TAFA2: variants seen among roughly 807,000 people sequenced by gnomAD.
TAFA2 encodes the protein chemokine-like protein TAFA-2.
TAFA2 carries 7 observed loss-of-function variants against 18.8 expected under a neutral mutation model. That is an observed-to-expected ratio of 0.37 (90% confidence interval 0.21 to 0.70). The LOEUF (loss-of-function observed/expected upper bound fraction) is 0.70, where lower values mean the gene tolerates loss of function less well. TAFA2 is among the 30% of genes least tolerant of loss of function. TAFA2 has a pLI of 0.53. For synonymous variants in TAFA2, 60 were observed against 54.2 expected (o/e 1.11, Z -0.47); for missense variants, 122 against 158.1 (o/e 0.77, Z 1.23).
chr12:62,216,233 T>C (rs891728923), intron 1 of TAFA2, among the ~76,000 whole-genome samples: 2 of 152,208 alleles, frequency 1.3e-5, no homozygotes, highest in Non-Finnish European at 2.9e-5. Flanking sequence ...CCATTGCTAA[T>C]TGAATAACAA....
intron 4 of TAFA2, among the ~76,000 whole-genome samples, chr12:61,736,141 G>A (rs879795723): frequency 1.4e-4 from 22 of 151,860 alleles, no homozygotes; most frequent in Admixed American, 6.6e-4. Flanking sequence ...GTTCTGCAAG[G>A]TCGTCAATGC....
At chr12:62,046,772 G>A (rs1459054365) in intron 1 of TAFA2, among the ~76,000 whole-genome samples, 1 of 152,042 alleles carries the variant, frequency 6.6e-6, no homozygotes, top group African/African-American at 2.4e-5. Context: ...ATTTGTCTTA[G>A]TCTAATGGTT....
intron 2 of TAFA2, among the ~76,000 whole-genome samples, chr12:61,824,560 C>T (rs1872462295): frequency 6.6e-6 from 1 of 151,470 alleles, no homozygotes; most frequent in Non-Finnish European, 1.5e-5. Flanking sequence ...ATTTTATTTC[C>T]AAAAAAAGTC....
intron 2 of TAFA2, among the ~76,000 whole-genome samples, chr12:61,852,447 A>C (rs1873715285): frequency 6.6e-6 from 1 of 152,142 alleles, no homozygotes; most frequent in African/African-American, 2.4e-5. Context: ...CTTCAGAATT[A>C]AACAGCAGCT....
intron 1 of TAFA2, among the ~76,000 whole-genome samples, chr12:62,213,498 C>T (rs1008993379): frequency 3.3e-5 from 5 of 152,046 alleles, no homozygotes; most frequent in African/African-American, 4.8e-5. Context: ...CAAAAATTAG[C>T]TGGGCATGGT....
intron 1 of TAFA2, among the ~76,000 whole-genome samples, chr12:62,106,401 C>G (rs1171361924): frequency 6.6e-6 from 1 of 151,900 alleles, no homozygotes; most frequent in Non-Finnish European, 1.5e-5. Flanking sequence ...CAAACAAAAA[C>G]TATAAAGGTT....
chr12:62,159,636 G>A (rs1382478309), intron 1 of TAFA2, among the ~76,000 whole-genome samples: 1 of 152,110 alleles, frequency 6.6e-6, no homozygotes, highest in African/African-American at 2.4e-5. Context: ...GTCTTGATTG[G>A]ACTGAGTTTA....
intron 1 of TAFA2, among the ~76,000 whole-genome samples, chr12:61,886,926 G>C (rs982862892): frequency 4.6e-5 from 7 of 152,096 alleles, no homozygotes; most frequent in Non-Finnish European, 1.0e-4. Context: ...ACCAACTTTG[G>C]GCCATTGGGC....
chr12:61,990,232 C>T (rs189454115), intron 1 of TAFA2, among the ~76,000 whole-genome samples: 16 of 152,138 alleles, frequency 1.1e-4, no homozygotes, highest in African/African-American at 3.4e-4. Flanking sequence ...CTTTCTATTA[C>T]TGTTCTGTTC....
chr12:61,880,799 A>T, intron 1 of TAFA2: 1 of 309,840 alleles, frequency 3.2e-6, no homozygotes, highest in South Asian at 3.3e-5. Flanking sequence ...CTCCCACCCT[A>T]CTCCCCCCTG....
At chr12:61,788,723 C>A (rs955744902) in intron 2 of TAFA2, among the ~76,000 whole-genome samples, 11 of 151,522 alleles carry the variant, frequency 7.3e-5, no homozygotes, top group African/African-American at 2.7e-4. Flanking sequence ...ACTGACACAA[C>A]TGAAATATAA....
chr12:62,100,970 C>A (rs1189574687), intron 1 of TAFA2, among the ~76,000 whole-genome samples: 1 of 152,084 alleles, frequency 6.6e-6, no homozygotes, highest in Non-Finnish European at 1.5e-5. Flanking sequence ...TTATACTGCA[C>A]CCTACATTTT....
intron 1 of TAFA2, among the ~76,000 whole-genome samples, chr12:61,903,016 C>T (rs2121322208): frequency 6.6e-6 from 1 of 152,156 alleles, no homozygotes; most frequent in East Asian, 1.9e-4. Context: ...TATTCTTGCC[C>T]AACGCTGACC....
At chr12:62,059,353 G>C (rs1882284126) in intron 1 of TAFA2, among the ~76,000 whole-genome samples, 1 of 151,994 alleles carries the variant, frequency 6.6e-6, no homozygotes, top group Non-Finnish European at 1.5e-5. Flanking sequence ...AGTAATTATT[G>C]AACTGCTGCT....
At chr12:62,163,109 A>C (rs912086575) in intron 1 of TAFA2, among the ~76,000 whole-genome samples, 2 of 152,136 alleles carry the variant, frequency 1.3e-5, no homozygotes, top group Non-Finnish European at 2.9e-5. Context: ...AAGTCAGGAC[A>C]ATAGACAGAG....
At position 61,721,070 on chromosome 12, in the gene TAFA2, T is replaced by C. The variant is rs1005077520; in HGVS notation, c.385-10653A>G. 7 of 399,832 alleles carry C rather than the reference T, an allele frequency of 1.8e-5. No individual in the cohort carries two copies. In the Admixed American group the frequency reaches 1.9e-4, roughly 11 times the overall value. The allele number at this position is 399,832 out of a possible 1,614,324, so 24.8% of individuals were successfully genotyped here. A position where few individuals can be genotyped will look rare whatever the true frequency, so the allele number is the denominator to read the frequency against. On this transcript the variant is annotated intron_variant, in intron 4 of 4. Coordinates refer to ENST00000416284, the MANE Select transcript of TAFA2 (RefSeq NM_178539.5). Reference sequence around the variant, plus strand: ...CCTCCAAAAAAGCTCACAGTGGGGATAGGTTTGTATCTCTCTTAGAAGATT... The same window carrying C: ...CCTCCAAAAAAGCTCACAGTGGGGACAGGTTTGTATCTCTCTTAGAAGATT...
intron 2 of TAFA2, among the ~76,000 whole-genome samples, chr12:61,851,804 A>C (rs1165343124): frequency 2.9e-4 from 41 of 142,744 alleles, no homozygotes; most frequent in African/African-American, 1.0e-3. Flanking sequence ...AAAAAAAAAA[A>C]AAAAAAAAAA....
chr12:62,147,686 C>T (rs1231012727), intron 1 of TAFA2, among the ~76,000 whole-genome samples: 11 of 146,662 alleles, frequency 7.5e-5, no homozygotes, highest in Admixed American at 4.1e-4. Flanking sequence ...GCCAAGATCC[C>T]GCCACTGCAC....
chr12:61,744,626 C>T (rs922900880), intron 4 of TAFA2, among the ~76,000 whole-genome samples: 1 of 152,088 alleles, frequency 6.6e-6, no homozygotes, highest in South Asian at 2.1e-4. Context: ...ACAATCATGG[C>T]TTACTGCAGC....
Sources: allele counts gnomAD v4.1 joint callset (sites outside exome capture counted in the v4.1 genomes callset), GRCh38; gene constraint gnomAD v4.1.1; transcripts MANE v1.5; gene names NCBI Gene and HGNC (gene_info 2026-07-23, HGNC 2026-07-21).